HPSE2: variants seen among roughly 807,000 people sequenced by gnomAD.
HPSE2 encodes the protein heparanase 2 (inactive).
Under a neutral mutation model 60.5 loss-of-function variants are expected in HPSE2, and 38 were observed. The ratio of observed to expected loss-of-function variants is 0.63; its 90% CI spans 0.48 to 0.82. The LOEUF is 0.82. Among genes scored for constraint, HPSE2 ranks in the 40% least tolerant of loss-of-function variants. The probability of loss-of-function intolerance (pLI) is 0.00; values close to 1 mark genes in which losing one functional copy is unlikely to be tolerated. For missense variants in HPSE2, 713 were observed against 740.4 expected, an observed-to-expected ratio of 0.96 and a Z score of 0.43; for synonymous variants, 295 against 293.2, an observed-to-expected ratio of 1.01 and a Z score of -0.06.
At chr10:99,040,245 A>G (rs1414329022) in intron 3 of HPSE2, among the ~76,000 whole-genome samples, 1 of 152,200 alleles carries the variant, frequency 6.6e-6, no homozygotes, top group Non-Finnish European at 1.5e-5. Context: ...ATTTCAATTG[A>G]ATGGATATAC....
intron 2 of HPSE2, among the ~76,000 whole-genome samples, chr10:99,149,651 G>T (rs1226163585): frequency 6.6e-6 from 1 of 152,074 alleles, no homozygotes; most frequent in Admixed American, 6.5e-5. Flanking sequence ...ACATCACATT[G>T]TAATATCAGA....
At chr10:99,198,172 C>T (rs969771660) in intron 2 of HPSE2, among the ~76,000 whole-genome samples, 5 of 152,070 alleles carry the variant, frequency 3.3e-5, no homozygotes, top group Admixed American at 2.6e-4. Flanking sequence ...AGCAAAGGCC[C>T]AGTTTCAAAT....
At chr10:99,000,714 CA>C (rs1197831356) in intron 3 of HPSE2, among the ~76,000 whole-genome samples, 1 of 151,930 alleles carries the variant, frequency 6.6e-6, no homozygotes, top group African/African-American at 2.4e-5. Context: ...GGATGTAAGA[CA>C]GATTACTTAT....
intron 9 of HPSE2, among the ~76,000 whole-genome samples, chr10:98,540,419 C>T (rs571059850): frequency 1.3e-5 from 2 of 152,260 alleles, no homozygotes; most frequent in Non-Finnish European, 2.9e-5. Flanking sequence ...AGCCCATGAC[C>T]GTGACCGTCG....
At chr10:99,305,159 G>T in the HPSE2 span, among the ~76,000 whole-genome samples, 1 of 152,198 alleles carries the variant, frequency 6.6e-6, no homozygotes, top group Non-Finnish European at 1.5e-5. Context: ...TTTGGCAGTT[G>T]TACAGTTGTA....
intron 3 of HPSE2, among the ~76,000 whole-genome samples, chr10:99,017,856 C>T (rs543387174): frequency 6.6e-4 from 100 of 152,298 alleles, no homozygotes; most frequent in South Asian, 3.1e-3. Context: ...ACACCTACTT[C>T]ATGCCAGGCA....
chr10:98,994,237 T>G (rs1045940775), intron 3 of HPSE2, among the ~76,000 whole-genome samples: 1 of 152,162 alleles, frequency 6.6e-6, no homozygotes, highest in Non-Finnish European at 1.5e-5. Flanking sequence ...TTAAGCAGCA[T>G]GGAGAAGAAG....
the HPSE2 span, among the ~76,000 whole-genome samples, chr10:99,253,269 A>G: frequency 2.8e-4 from 42 of 152,222 alleles, no homozygotes; most frequent in Admixed American, 3.9e-4. Context: ...TGTACCACTC[A>G]TAGTACTGGT....
At chr10:99,201,473 C>T (rs1368132038) in intron 2 of HPSE2, among the ~76,000 whole-genome samples, 1 of 152,072 alleles carries the variant, frequency 6.6e-6, no homozygotes, top group Non-Finnish European at 1.5e-5. Context: ...CCTTGACTCC[C>T]TATTGTTTAA....
chr10:98,740,639 A>G (rs1462287612), intron 4 of HPSE2, among the ~76,000 whole-genome samples: 1 of 152,214 alleles, frequency 6.6e-6, no homozygotes, highest in Non-Finnish European at 1.5e-5. Flanking sequence ...ACTCTAGAAG[A>G]AACAATCACA....
At chr10:99,156,439 G>T (rs1846564412) in intron 2 of HPSE2, among the ~76,000 whole-genome samples, 1 of 137,336 alleles carries the variant, frequency 7.3e-6, no homozygotes, top group African/African-American at 2.5e-5. Context: ...TGCAAGGCTG[G>T]TTCAATATAC....
At chr10:99,154,810 A>C (rs1191144748) in intron 2 of HPSE2, among the ~76,000 whole-genome samples, 1 of 152,036 alleles carries the variant, frequency 6.6e-6, no homozygotes, top group Non-Finnish European at 1.5e-5. Flanking sequence ...AGACTGGCAA[A>C]TTGGATAAAG....
chr10:99,086,023 G>T (rs571214651), intron 3 of HPSE2, among the ~76,000 whole-genome samples: 1 of 152,264 alleles, frequency 6.6e-6, no homozygotes, highest in South Asian at 2.1e-4. Context: ...GATGATCAGT[G>T]CTACTTAAGG....
intron 11 of HPSE2, among the ~76,000 whole-genome samples, chr10:98,467,507 A>G (rs1472098599): frequency 1.3e-5 from 2 of 151,548 alleles, no homozygotes; most frequent in African/African-American, 4.9e-5. Flanking sequence ...GGGAAGGGGG[A>G]GAGAAAGGAG....
the HPSE2 span, among the ~76,000 whole-genome samples, chr10:99,254,008 G>A: frequency 6.6e-6 from 1 of 152,134 alleles, no homozygotes; most frequent in Non-Finnish European, 1.5e-5. Flanking sequence ...AAAGCTATTT[G>A]GAGATTTCTC....
intron 9 of HPSE2, among the ~76,000 whole-genome samples, chr10:98,522,819 A>G (rs1942842413): frequency 6.6e-6 from 1 of 152,222 alleles, no homozygotes; most frequent in Non-Finnish European, 1.5e-5. Flanking sequence ...GACACAGTGT[A>G]GAGAAAAGGC....
At chr10:98,915,905 G>T (rs1421465248) in intron 3 of HPSE2, among the ~76,000 whole-genome samples, 1 of 152,028 alleles carries the variant, frequency 6.6e-6, no homozygotes, top group Non-Finnish European at 1.5e-5. Context: ...CAATGGACAG[G>T]AGAGGGTAGT....
At chr10:98,949,082 G>T (rs996603722) in intron 3 of HPSE2, among the ~76,000 whole-genome samples, 1 of 151,800 alleles carries the variant, frequency 6.6e-6, no homozygotes, top group African/African-American at 2.4e-5. Context: ...GTGTTTTCAG[G>T]GGTCAACTGT....
intron 2 of HPSE2, among the ~76,000 whole-genome samples, chr10:99,152,310 C>CAAAA (rs1004063463): frequency 3.9e-4 from 21 of 54,044 alleles, no homozygotes; most frequent in African/African-American, 8.3e-4. Flanking sequence ...GACTCCACCT[C>CAAAA]AAAAAAAAAA....
Sources: allele counts gnomAD v4.1 joint callset (sites outside exome capture counted in the v4.1 genomes callset), GRCh38; gene constraint gnomAD v4.1.1; transcripts MANE v1.5; gene names NCBI Gene and HGNC (gene_info 2026-07-23, HGNC 2026-07-21).